The following TRAPPC9 variants were observed in gnomAD, a reference collection of about 807,000 sequenced individuals.
TRAPPC9 encodes IKK2 binding protein.
In TRAPPC9, 83 loss-of-function variants were observed where a neutral mutation model predicts 124.0. That is an observed-to-expected ratio of 0.67 (90% CI 0.56 to 0.80). The LOEUF (loss-of-function observed/expected upper bound fraction) is 0.80, where lower values mean the gene tolerates loss of function less well. Among genes scored for constraint, TRAPPC9 ranks in the 30% least tolerant of loss-of-function variants. TRAPPC9 has a pLI of 0.00. For synonymous variants in TRAPPC9, 638 were observed against 617.5 expected (o/e 1.03, Z -0.49); for missense variants, 1,302 against 1,508.3 (o/e 0.86, Z 2.27).
At chr8:139,933,117 G>C (rs1477147222) in intron 19 of TRAPPC9, 1 of 154,358 alleles carries the variant, frequency 6.5e-6, no homozygotes, top group Admixed American at 6.4e-5. Flanking sequence ...TTTGTTTTTT[G>C]CATGATTCTT....
rs2130730214 is a variant in TRAPPC9, at chr8:139,808,380, G to C, written c.3056-76178C>G. Among the ~76,000 whole-genome samples the C allele has an allele frequency of 1.3e-5, 2 of 152,320 alleles. 1 individual carries two copies. Among genetic ancestry groups the C allele is most frequent in the Middle Eastern group, 6.8e-3 (2 of 294 alleles). ...AGGGGCTGAGGCAGGAGAATCGCTT[G>C]AATCCAGGAGGTGAAGGTTGCAGTG... On this transcript the variant is annotated intron_variant, in intron 21 of 22. Coordinates refer to ENST00000438773, the MANE Select transcript of TRAPPC9 (RefSeq NM_001160372.4).
rs1419559758 is a variant in TRAPPC9, at chr8:140,104,489, T to A, written c.2557-80410A>T. 1.3e-5 allele frequency among the ~76,000 whole-genome samples: 2 copies of A among 151,942 alleles called. No homozygotes were observed. Among genetic ancestry groups the A allele is most frequent in the Non-Finnish European group, 1.5e-5 (1 of 67,986 alleles). On this transcript the variant is annotated intron_variant, in intron 17 of 22. Transcript: ENST00000438773. This position sits in a 1 kb window ranked among gnomAD's most constrained non-coding sequence, Gnocchi z 4.0. Reference sequence around the variant, plus strand: ...GTGGGCACTCATGATCTTAGACAAATAATATGCAAGTAGTATGATGGCACG... The same window carrying A: ...GTGGGCACTCATGATCTTAGACAAAAAATATGCAAGTAGTATGATGGCACG...
chr8:140,041,317 T>C (rs1241125025), intron 17 of TRAPPC9, among the ~76,000 whole-genome samples: 1 of 152,198 alleles, frequency 6.6e-6, no homozygotes, highest in East Asian at 1.9e-4. Context: ...TAGAGCCCTG[T>C]GAAACAATGA....
chr8:140,213,616 A>G (rs2063118133), intron 17 of TRAPPC9, among the ~76,000 whole-genome samples: 1 of 151,894 alleles, frequency 6.6e-6, no homozygotes, highest in African/African-American at 2.4e-5. Context: ...AAAGTGAAGC[A>G]CAACCTCTGG....
At chr8:140,047,941 GCAGGGTCCAGCCATAGCCA>G (rs978988122) in intron 17 of TRAPPC9, among the ~76,000 whole-genome samples, 1 of 152,230 alleles carries the variant, frequency 6.6e-6, no homozygotes, top group African/African-American at 2.4e-5. Context: ...TGCCAGCAAG[GCAGGGTCCAGCCATAGCCA>G]CAGGCCCCAG....
chr8:139,792,255 A>C (rs535160938), intron 21 of TRAPPC9, among the ~76,000 whole-genome samples: 6 of 150,650 alleles, frequency 4.0e-5, no homozygotes, highest in African/African-American at 1.5e-4. Context: ...GAGTAGGGGG[A>C]CCTCTCCATC....
chr8:140,165,780 A>G (rs1355002864), intron 17 of TRAPPC9, among the ~76,000 whole-genome samples: 1 of 152,064 alleles, frequency 6.6e-6, no homozygotes, highest in Non-Finnish European at 1.5e-5. Context: ...GTTCAAACCA[A>G]AGCAACCTGC....
intron 21 of TRAPPC9, among the ~76,000 whole-genome samples, chr8:139,763,541 G>A (rs1393123298): frequency 4.1e-5 from 6 of 147,922 alleles, no homozygotes; most frequent in African/African-American, 1.2e-4. Context: ...ACAAAACAAC[G>A]CCCATGGCTT....
At chr8:139,843,842 T>C (rs1826892319) in intron 21 of TRAPPC9, among the ~76,000 whole-genome samples, 1 of 152,234 alleles carries the variant, frequency 6.6e-6, no homozygotes, top group Admixed American at 6.5e-5. Context: ...TGGCACTGCA[T>C]GAGAATAAAT....
At chr8:140,453,608 C>T (rs915492603) in intron 1 of TRAPPC9, among the ~76,000 whole-genome samples, 15 of 136,154 alleles carry the variant, frequency 1.1e-4, no homozygotes, top group African/African-American at 4.1e-4. Context: ...AAACCCTAGC[C>T]TCCCAACATG....
At chr8:140,162,400 C>T (rs562205961) in intron 17 of TRAPPC9, among the ~76,000 whole-genome samples, 1 of 152,312 alleles carries the variant, frequency 6.6e-6, no homozygotes, top group East Asian at 1.9e-4. Context: ...TAACCTAGGC[C>T]AGTACTGCTT....
chr8:139,784,608 CATATATATAT>C lies in TRAPPC9; in HGVS notation c.3056-52416_3056-52407del, dbSNP rs34583867. On this transcript the variant is annotated intron_variant, in intron 21 of 22. Coordinates refer to ENST00000438773, the MANE Select transcript of TRAPPC9 (RefSeq NM_001160372.4). Reference sequence around the variant, plus strand: ...AATAAATAAATAAATAAAAGACTGACATATATATATATATATATATATATATATATATATA... The same window carrying C: ...AATAAATAAATAAATAAAAGACTGACATATATATATATATATATATATATA... Among the ~76,000 whole-genome samples, 508 of 88,646 alleles carry C rather than the reference CATATATATAT, an allele frequency of 5.7e-3. 10 individuals are homozygous for C. The highest frequency in any genetic ancestry group is 0.043 in the South Asian group (97 of 2,232). The allele number at this position is 88,646 out of a possible 152,430, so 58.2% of individuals were successfully genotyped here. A position where few individuals can be genotyped will look rare whatever the true frequency, so the allele number is the denominator to read the frequency against.
In TRAPPC9 at chr8:140,154,385, C is replaced by T. The variant is rs139536576; in HGVS notation, c.2556+67074G>A. On this transcript the variant is annotated intron_variant, in intron 17 of 22. Transcript: ENST00000438773. ...CAACAGTCTCTTCACTGACCCCCTC[C>T]GCCTCCACACTGGCCTCCCCATCCA... 5.9e-4 allele frequency among the ~76,000 whole-genome samples: 90 copies of T among 152,236 alleles called. No individual in the cohort carries two copies. The East Asian group carries it at 8.5e-3, about 14-fold the overall frequency.
At chr8:140,421,812 T>C (rs757257656) in intron 5 of TRAPPC9, among the ~76,000 whole-genome samples, 1 of 152,046 alleles carries the variant, frequency 6.6e-6, no homozygotes, top group Non-Finnish European at 1.5e-5. Flanking sequence ...CCTTTATTAG[T>C]GTGATGACCA....
intron 19 of TRAPPC9, among the ~76,000 whole-genome samples, chr8:139,986,634 G>A (rs2131696245): frequency 6.6e-6 from 1 of 152,224 alleles, no homozygotes; most frequent in South Asian, 2.1e-4. Flanking sequence ...GACTATTGTA[G>A]CTATCATGCC....
At chr8:139,922,845 A>T (rs1306095882) in intron 19 of TRAPPC9, among the ~76,000 whole-genome samples, 5 of 152,342 alleles carry the variant, frequency 3.3e-5, no homozygotes, top group Non-Finnish European at 7.3e-5. Context: ...AGGCCCAGAG[A>T]GCTGAAGGTA....
At chr8:139,958,078 G>A (rs1397127651) in intron 19 of TRAPPC9, among the ~76,000 whole-genome samples, 1 of 152,160 alleles carries the variant, frequency 6.6e-6, no homozygotes, top group African/African-American at 2.4e-5. Context: ...TGCCAATCAT[G>A]CGCGAGTCAG....
chr8:140,361,057 C>G (rs1239592121), intron 8 of TRAPPC9, among the ~76,000 whole-genome samples: 1 of 152,238 alleles, frequency 6.6e-6, no homozygotes, highest in Middle Eastern at 3.2e-3. Flanking sequence ...AACACACACA[C>G]CCTGCCAATG....
chr8:140,410,419 C>T (rs906822708), intron 5 of TRAPPC9, among the ~76,000 whole-genome samples: 2 of 152,016 alleles, frequency 1.3e-5, no homozygotes, highest in African/African-American at 2.4e-5. Context: ...GCCTGTAGTC[C>T]CAACTACTCA....
Sources: gnomAD v4.1 joint callset for allele counts (sites outside exome capture counted in the v4.1 genomes callset) on GRCh38, gnomAD v4.1.1 for gene constraint, Gnocchi (gnomAD v3.1) non-coding constraint, MANE v1.5 for transcripts, NCBI Gene and HGNC (gene_info 2026-07-23, HGNC 2026-07-21) for gene names.